MICU2: variants seen among roughly 807,000 people sequenced by gnomAD.
MICU2 encodes mitochondrial calcium uptake 2.
Under a neutral mutation model 60.4 loss-of-function variants are expected in MICU2, and 64 were observed. That is an observed-to-expected ratio of 1.06 (90% CI 0.87 to 1.31). The LOEUF (loss-of-function observed/expected upper bound fraction) is 1.31, where lower values mean the gene tolerates loss of function less well. Ranked by LOEUF, MICU2 falls within the 50% of genes most tolerant of loss-of-function variation. The pLI is 0.00. For missense variants in MICU2, 569 were observed against 531.0 expected (o/e 1.07, Z -0.70); for synonymous variants, 201 against 175.0 (o/e 1.15, Z -1.17).
intron 3 of MICU2, 132 bp downstream of exon 3, chr13:21,539,522 TCTC>T: frequency 7.6e-7 from 1 of 1,312,374 alleles, no homozygotes; most frequent in South Asian, 1.3e-5. Flanking sequence ...AGGATGGTGA[TCTC>T]CTGACCTCGT....
At chr13:21,530,515 C>A (rs1194105151) in intron 4 of MICU2, among the ~76,000 whole-genome samples, 6 of 151,604 alleles carry the variant, frequency 4.0e-5, no homozygotes, top group Admixed American at 2.0e-4. Context: ...GTTGTTCATT[C>A]TGAGAACATA....
At chr13:21,531,033 AT>A in intron 4 of MICU2, 1 of 905,010 alleles carries the variant, frequency 1.1e-6, no homozygotes, top group Admixed American at 1.7e-5. Context: ...TTTGAAAGGG[AT>A]TTTGCAGGAT....
intron 8 of MICU2, among the ~76,000 whole-genome samples, chr13:21,504,358 T>C (rs1021414855): frequency 2.0e-5 from 3 of 152,080 alleles, no homozygotes; most frequent in Non-Finnish European, 4.4e-5. Flanking sequence ...ATAAAACCAT[T>C]ACTAACTTGT....
rs572904194 is a variant in MICU2, at chr13:21,495,043, T to A, written c.1200+118A>T. 1.6e-4 allele frequency: 100 copies of A among 644,544 alleles called. No individual in the cohort carries two copies. In the African/African-American group the frequency reaches 1.7e-3, roughly 11 times the overall value. 39.9% of individuals were successfully genotyped at this position (644,544 alleles called of 1,614,324 possible). On this transcript the variant is annotated intron_variant, in intron 11 of 11. Coordinates refer to ENST00000382374, the MANE Select transcript of MICU2 (RefSeq NM_152726.3). ...ATATTTCTGTATTTCAATTACAGCT[T>A]ATAGTCTTTTTATAAGTGATGAAAA...
intron 2 of MICU2, among the ~76,000 whole-genome samples, chr13:21,565,819 C>G (rs562417429): frequency 6.6e-6 from 1 of 152,302 alleles, no homozygotes; most frequent in South Asian, 2.1e-4. Flanking sequence ...GGAGACAGAG[C>G]AAGACTCTGT....
At chr13:21,497,061 C>T (rs1886018079) in intron 9 of MICU2, among the ~76,000 whole-genome samples, 1 of 146,920 alleles carries the variant, frequency 6.8e-6, no homozygotes, top group African/African-American at 2.5e-5. Flanking sequence ...GACTCTGTCT[C>T]AAAAAATACA....
chr13:21,602,523 A>AAAAAAC (rs984262512), intron 1 of MICU2, among the ~76,000 whole-genome samples: 23 of 152,140 alleles, frequency 1.5e-4, no homozygotes, highest in African/African-American at 5.3e-4. Flanking sequence ...CTCCTCTCAA[A>AAAAAAC]AAAAACAAAA....
chr13:21,586,413 G>T (rs1334255134), intron 1 of MICU2, among the ~76,000 whole-genome samples: 1 of 151,906 alleles, frequency 6.6e-6, no homozygotes, highest in African/African-American at 2.4e-5. Context: ...TGTGTTTTTT[G>T]TTTGTTTTTT....
chr13:21,519,091 T>A (rs11617738), intron 6 of MICU2, among the ~76,000 whole-genome samples: 27,724 of 152,216 alleles, frequency 0.18, 3,387 homozygotes, highest in Non-Finnish European at 0.28. Context: ...ATTATTTTTT[T>A]TGAGACAGAG....
At chr13:21,549,314 T>C (rs141441561) in intron 2 of MICU2, among the ~76,000 whole-genome samples, 431 of 152,272 alleles carry the variant, frequency 2.8e-3, no homozygotes, top group Admixed American at 6.2e-3. Flanking sequence ...CATTAGATAA[T>C]TGATACTCAG....
At chr13:21,531,238 T>C (rs1185246199) in intron 4 of MICU2, 2 of 1,172,348 alleles carry the variant, frequency 1.7e-6, no homozygotes, top group Non-Finnish European at 2.6e-6. Flanking sequence ...AAGGACACTA[T>C]AAGAAAGGAA....
At chr13:21,529,923 C>T (rs1288630454) in intron 4 of MICU2, among the ~76,000 whole-genome samples, 1 of 152,094 alleles carries the variant, frequency 6.6e-6, no homozygotes, top group Admixed American at 6.5e-5. Flanking sequence ...AGGGTTGAGA[C>T]CCCAATCAGC....
At chr13:21,582,324 T>G (rs1267373933) in intron 1 of MICU2, among the ~76,000 whole-genome samples, 1 of 152,252 alleles carries the variant, frequency 6.6e-6, no homozygotes, top group Admixed American at 6.5e-5. Context: ...GTAACTAGTC[T>G]TCTCAAGTCA....
At chr13:21,596,222 C>T (rs1290349105) in intron 1 of MICU2, among the ~76,000 whole-genome samples, 2 of 152,108 alleles carry the variant, frequency 1.3e-5, no homozygotes, top group East Asian at 3.9e-4. Context: ...TGTGCATTTG[C>T]TAGGCTTTAC....
chr13:21,495,982 CATTTAGTTGAAGAATATAGTAAA>C (rs1313605024), intron 10 of MICU2, 47 bp downstream of exon 10: 38 of 1,035,910 alleles, frequency 3.7e-5, no homozygotes, highest in Admixed American at 9.1e-5. Context: ...TGATTGGTAG[CATTTAGTTGAAGAATATAGTAAA>C]ACTGTTTATA....
At chr13:21,602,011 G>A (rs9509811) in intron 1 of MICU2, among the ~76,000 whole-genome samples, 27,402 of 151,736 alleles carry the variant, frequency 0.18, 3,301 homozygotes, top group Non-Finnish European at 0.28. Flanking sequence ...GGGAGGCTGA[G>A]GTAGGAGAAT....
chr13:21,579,059 T>A (rs1888288162), intron 1 of MICU2, among the ~76,000 whole-genome samples: 1 of 152,206 alleles, frequency 6.6e-6, no homozygotes, highest in Non-Finnish European at 1.5e-5. Context: ...TTCAGCTTCA[T>A]CTTGGAGTAC....
chr13:21,585,561 T>C (rs376697186), intron 1 of MICU2, among the ~76,000 whole-genome samples: 1 of 152,202 alleles, frequency 6.6e-6, no homozygotes, highest in African/African-American at 2.4e-5. Flanking sequence ...AAATAATCAC[T>C]ACAAATCTAT....
chr13:21,532,915 T>C (rs1887036668), intron 4 of MICU2, among the ~76,000 whole-genome samples: 1 of 152,044 alleles, frequency 6.6e-6, no homozygotes, highest in African/African-American at 2.4e-5. Flanking sequence ...CTCTAAAAAA[T>C]GGGACATACT....
Sources: allele counts gnomAD v4.1 joint callset (sites outside exome capture counted in the v4.1 genomes callset), GRCh38; gene constraint gnomAD v4.1.1; transcripts MANE v1.5; gene names NCBI Gene and HGNC (gene_info 2026-07-23, HGNC 2026-07-21).